The following DAB1 variants were observed in gnomAD, a reference collection of about 807,000 sequenced individuals.
DAB1 encodes the protein DAB adaptor protein 1.
DAB1 carries 15 observed loss-of-function variants against 64.6 expected under a neutral mutation model. That is an observed-to-expected ratio of 0.23 (90% CI 0.16 to 0.36). The LOEUF (loss-of-function observed/expected upper bound fraction) is 0.36. Ranked by LOEUF, DAB1 falls within the 10% of genes least tolerant of loss-of-function variation. The probability of loss-of-function intolerance (pLI) is 1.00; values close to 1 mark genes in which losing one functional copy is unlikely to be tolerated. For missense variants in DAB1, 596 were observed against 706.7 expected (o/e 0.84, Z 1.78); for synonymous variants, 235 against 251.9 (o/e 0.93, Z 0.64).
intron 2 of DAB1, among the ~76,000 whole-genome samples, chr1:57,275,847 A>T (rs1671413941): frequency 6.6e-6 from 1 of 152,214 alleles, no homozygotes; most frequent in Non-Finnish European, 1.5e-5. Flanking sequence ...GAAGATAAAC[A>T]CTGTATCCGT....
intron 2 of DAB1, among the ~76,000 whole-genome samples, chr1:57,184,863 A>T (rs1279070261): frequency 2.0e-5 from 3 of 152,072 alleles, no homozygotes; most frequent in African/African-American, 7.2e-5. Context: ...TCCCCAACTC[A>T]ACCAGTTATG....
At chr1:58,299,823 G>A (rs1662080497) in intron 4 of DAB1, among the ~76,000 whole-genome samples, 1 of 152,140 alleles carries the variant, frequency 6.6e-6, no homozygotes, top group South Asian at 2.1e-4. Context: ...ACCAAAGACT[G>A]ATTGTGATGT....
chr1:58,148,664 G>A (rs1009233725), intron 5 of DAB1, among the ~76,000 whole-genome samples: 3 of 152,138 alleles, frequency 2.0e-5, no homozygotes, highest in Non-Finnish European at 1.5e-5. Flanking sequence ...GAGGAGCAAA[G>A]GCATGTCTTA....
At chr1:58,060,504 G>A (rs917983079) in intron 5 of DAB1, among the ~76,000 whole-genome samples, 2 of 152,200 alleles carry the variant, frequency 1.3e-5, no homozygotes, top group Non-Finnish European at 1.5e-5. Flanking sequence ...AGTAAAGAGC[G>A]ACTGGTGAAA....
intron 4 of DAB1, among the ~76,000 whole-genome samples, chr1:58,201,906 C>T (rs1658019156): frequency 6.6e-6 from 1 of 152,120 alleles, no homozygotes; most frequent in African/African-American, 2.4e-5. Context: ...TGATAGGTAG[C>T]AGAGTATGGC....
chr1:57,064,434 T>C (rs1650706055), intron 8 of DAB1, among the ~76,000 whole-genome samples: 1 of 152,166 alleles, frequency 6.6e-6, no homozygotes, highest in African/African-American at 2.4e-5. Flanking sequence ...GTTCTAAACA[T>C]TTGTGTCTTA....
intron 2 of DAB1, among the ~76,000 whole-genome samples, chr1:57,185,770 T>C (rs768593440): frequency 5.3e-5 from 8 of 152,136 alleles, no homozygotes; most frequent in Non-Finnish European, 1.2e-4. Context: ...TGGTCTTTTT[T>C]TCCAGAGAGT....
chr1:58,178,255 C>T (rs1395930619), intron 4 of DAB1, among the ~76,000 whole-genome samples: 1 of 152,178 alleles, frequency 6.6e-6, no homozygotes, highest in African/African-American at 2.4e-5. Flanking sequence ...CCAACCCTCT[C>T]CATCTCATCT....
chr1:58,390,626 A>C (rs567716945), intron 3 of DAB1, among the ~76,000 whole-genome samples: 6 of 152,334 alleles, frequency 3.9e-5, no homozygotes, highest in Admixed American at 2.6e-4. Flanking sequence ...TTTGTGAAAC[A>C]AAAATAAAAA....
chr1:57,011,138 C>A lies in DAB1; in HGVS notation c.1572+7G>T. The stretch of plus-strand genomic sequence containing the variant: ...AAACACAAACAAATAACAAACTGGT[C>A]ACTTACAGCTTCTTGCTCTTCGCTT... On this transcript the variant is annotated splice_region_variant and intron_variant, in intron 13 of 14. Coordinates refer to ENST00000371236, the MANE Select transcript of DAB1 (RefSeq NM_001365792.1). 1 of 1,613,740 alleles carries A rather than the reference C, an allele frequency of 6.2e-7. No homozygotes were observed. The highest frequency in any genetic ancestry group is 1.1e-5 in the South Asian group (1 of 90,994).
intron 4 of DAB1, among the ~76,000 whole-genome samples, chr1:57,088,429 C>A (rs1033994117): frequency 6.6e-6 from 1 of 152,172 alleles, no homozygotes; most frequent in African/African-American, 2.4e-5. Flanking sequence ...CCCTAGTCTC[C>A]CTTAAAGTGC....
rs763787466 is a variant in DAB1, at chr1:58,025,651, G to GTATATATA, written n.387+124852_387+124859dup. On this transcript the variant is annotated intron_variant and non_coding_transcript_variant, in intron 5 of 20. Coordinates refer to the DAB1 transcript ENST00000485760. The stretch of plus-strand genomic sequence containing the variant: ...AATATAATATTATATATATATGTGT[G>GTATATATA]TATATATATATATATATATATATAT... 2.3e-3 allele frequency among the ~76,000 whole-genome samples: 172 copies of GTATATATA among 75,278 alleles called. 2 individuals are homozygous for GTATATATA. Among genetic ancestry groups the GTATATATA allele is most frequent in the African/African-American group, 5.3e-3 (131 of 24,718 alleles). The allele number at this position is 75,278 out of a possible 152,430, so 49.4% of individuals were successfully genotyped here.
chr1:57,457,793 A>G (rs560346151), intron 7 of DAB1, among the ~76,000 whole-genome samples: 1 of 152,252 alleles, frequency 6.6e-6, no homozygotes, highest in South Asian at 2.1e-4. Flanking sequence ...AGAAAGTAAG[A>G]AAGAGAAAGA....
At chr1:58,152,006 C>T (rs1305527867) in intron 4 of DAB1, among the ~76,000 whole-genome samples, 3 of 152,082 alleles carry the variant, frequency 2.0e-5, no homozygotes, top group African/African-American at 7.2e-5. Context: ...TACGAAAAAG[C>T]ACAGAAATCA....
intron 7 of DAB1, among the ~76,000 whole-genome samples, chr1:57,538,086 C>T (rs1178948701): frequency 2.0e-5 from 3 of 152,188 alleles, no homozygotes; most frequent in African/African-American, 7.2e-5. Context: ...CCACCTGCAA[C>T]ACTGGGATCA....
intron 3 of DAB1, among the ~76,000 whole-genome samples, chr1:58,445,608 G>A (rs1020701313): frequency 3.3e-5 from 5 of 152,222 alleles, no homozygotes; most frequent in South Asian, 2.1e-4. Context: ...TGTGAAAAAC[G>A]CTTCTTGCTG....
intron 9 of DAB1, among the ~76,000 whole-genome samples, chr1:57,040,833 G>A (rs986893125): frequency 6.6e-6 from 1 of 152,224 alleles, no homozygotes; most frequent in African/African-American, 2.4e-5. Context: ...TGAAAAGGGA[G>A]TGAATTAGAA....
At chr1:57,606,639 A>ATG (rs1387001829) in intron 7 of DAB1, among the ~76,000 whole-genome samples, 18 of 118,174 alleles carry the variant, frequency 1.5e-4, no homozygotes, top group Non-Finnish European at 2.9e-4. Context: ...TATATTATAT[A>ATG]TGAAATATAT....
intron 5 of DAB1, among the ~76,000 whole-genome samples, chr1:57,920,200 T>A (rs1481387163): frequency 6.6e-6 from 1 of 152,208 alleles, no homozygotes; most frequent in African/African-American, 2.4e-5. Context: ...ACTCTGGAGC[T>A]ACAAAGCCCT....
Sources: gnomAD v4.1 joint callset for allele counts (sites outside exome capture counted in the v4.1 genomes callset) on GRCh38, gnomAD v4.1.1 for gene constraint, MANE v1.5 for transcripts, NCBI Gene and HGNC (gene_info 2026-07-23, HGNC 2026-07-21) for gene names.